Variants in PIGF observed in about 807,000 individuals in gnomAD.
The protein encoded by PIGF is GPI ethanolamine phosphate transferase, stabilizing subunit.
PIGF carries 23 observed loss-of-function variants against 26.0 expected under a neutral mutation model. That is an observed-to-expected ratio of 0.88 (90% CI 0.64 to 1.25). The LOEUF is 1.25. PIGF is among the 50% of genes most tolerant of loss of function. PIGF has a pLI of 0.00. For synonymous variants in PIGF, 93 were observed against 92.6 expected (o/e 1.00, Z -0.03); for missense variants, 278 against 249.9 (o/e 1.11, Z -0.76).
At chr2:46,609,717 G>T (rs1366021132) in intron 4 of PIGF, among the ~76,000 whole-genome samples, 1 of 152,108 alleles carries the variant, frequency 6.6e-6, no homozygotes. Flanking sequence ...GTGGGGAAGG[G>T]AGAGAGACAG....
chr2:46,595,567 C>T (rs1669856993), intron 4 of PIGF, among the ~76,000 whole-genome samples: 1 of 152,156 alleles, frequency 6.6e-6, no homozygotes, highest in Non-Finnish European at 1.5e-5. Context: ...AACATTTATG[C>T]ACAAGTTTCT....
rs376134991 is a variant in PIGF at position 46,592,573 on chromosome 2, T to C, written c.448A>G (p.Ile150Val). ...RVFSRNGVTS[I>V]WENSLQITTI... The stretch of plus-strand genomic sequence containing the variant: ...GTGATCTGGAGACTATTCTCCCATA[T>C]GGATGTAACTCTGTGAAACACAAAT... Residue 150 changes from isoleucine (I) to valine (V), a missense_variant, in exon 5 of 6, where the codon ATA becomes GTA. Transcript: ENST00000281382. 5.7e-6 allele frequency: 9 copies of C among 1,574,672 alleles called. No individual in the cohort carries two copies. The African/African-American group carries it at 8.1e-5, about 14-fold the overall frequency.
chr2:46,606,892 T>C (rs1670239592), intron 4 of PIGF, among the ~76,000 whole-genome samples: 1 of 152,336 alleles, frequency 6.6e-6, no homozygotes, highest in East Asian at 1.9e-4. Flanking sequence ...AAATTTGATA[T>C]ATATCCATAC....
In PIGF at chr2:46,613,683, TTCAAACTTACTC is replaced by T. The variant is rs763507507; in HGVS notation, c.319_320+10del. On this transcript the variant is annotated splice_donor_variant and splice_donor_5th_base_variant and coding_sequence_variant and intron_variant, in exon 3 of 6. Transcript: ENST00000281382. LOFTEE classifies it high-confidence loss of function. Reference sequence around the variant, plus strand: ...TAAAATATAAATTTAGGGTAAAAATTTCAAACTTACTCTATCAGTGGTGCTCCATACAGAACA... The same window carrying T: ...TAAAATATAAATTTAGGGTAAAAATTTATCAGTGGTGCTCCATACAGAACA... The T allele has an allele frequency of 2.0e-6, 3 of 1,501,212 alleles. No individual in the cohort carries two copies. In the South Asian group the frequency reaches 3.8e-5, roughly 19 times the overall value. The allele number at this position is 1,501,212 out of a possible 1,614,324, so 93.0% of individuals were successfully genotyped here.
At position 46,588,005 on chromosome 2, in the gene PIGF, TAAGC is replaced by T. The variant is rs1641267106; in HGVS notation, c.546+4466_546+4469del. 1 of 1,337,334 alleles carries T rather than the reference TAAGC, an allele frequency of 7.5e-7. No individual in the cohort carries two copies. The highest frequency in any genetic ancestry group is 1.5e-5 in the African/African-American group (1 of 65,924). 82.8% of individuals were successfully genotyped at this position (1,337,334 alleles called of 1,614,324 possible). On this transcript the variant is annotated intron_variant, in intron 5 of 5. Transcript: ENST00000281382. The surrounding 1 kb of genome is among the most constrained non-coding windows in gnomAD (Gnocchi z 4.1). ...CTCCCTCTTCCCACCTGAGTAATGC[TAAGC>T]AAGATGTGTACTCCTCCCCTCTCAC...
At chr2:46,590,944 A>G (rs1253912898) in intron 5 of PIGF, among the ~76,000 whole-genome samples, 2 of 152,230 alleles carry the variant, frequency 1.3e-5, no homozygotes, top group Non-Finnish European at 2.9e-5. Flanking sequence ...AAGCACAAAG[A>G]ATAGAGCTAA....
chr2:46,610,701 T>C (rs761100427), intron 4 of PIGF, among the ~76,000 whole-genome samples: 1 of 152,050 alleles, frequency 6.6e-6, no homozygotes, highest in Non-Finnish European at 1.5e-5. Context: ...AGCTAATTTT[T>C]GTATTTTTAG....
At chr2:46,612,370 TA>T in intron 3 of PIGF, 26 bp from the exon 4 acceptor site, 2 of 871,126 alleles carry the variant, frequency 2.3e-6, no homozygotes, top group Middle Eastern at 2.3e-4. Context: ...GATTACTTTT[TA>T]AAAAAGTGTT....
chr2:46,607,634 G>A (rs1670265881), intron 4 of PIGF, among the ~76,000 whole-genome samples: 1 of 152,018 alleles, frequency 6.6e-6, no homozygotes, highest in Admixed American at 6.6e-5. Flanking sequence ...TGGAAGATGT[G>A]GCCTTGATGT....
At chr2:46,599,807 C>T (rs528843685) in intron 4 of PIGF, among the ~76,000 whole-genome samples, 1 of 152,232 alleles carries the variant, frequency 6.6e-6, no homozygotes, top group South Asian at 2.1e-4. Flanking sequence ...TCATCTTCTG[C>T]ACACCCCTTT....
chr2:46,591,492 T>C, intron 5 of PIGF: 6 of 827,432 alleles, frequency 7.3e-6, no homozygotes, highest in Non-Finnish European at 8.7e-6. Flanking sequence ...AGAAAGCACA[T>C]TTATTTTTTA....
chr2:46,581,388 G>C lies in PIGF; in HGVS notation c.*90C>G. 1 of 1,524,598 alleles carries C rather than the reference G, an allele frequency of 6.6e-7. No homozygotes were observed. Among genetic ancestry groups the C allele is most frequent in the Non-Finnish European group, 8.8e-7 (1 of 1,132,432 alleles). 94.4% of individuals were successfully genotyped at this position (1,524,598 alleles called of 1,614,324 possible). A position where few individuals can be genotyped will look rare whatever the true frequency, so the allele number is the denominator to read the frequency against. ...ATGTTGTAACTACGTAAAAAACAGA[G>C]CTGTAAATGGAACTGCTTGGCTTTG... is the stretch of plus-strand genomic sequence containing the variant. On this transcript the variant is annotated 3_prime_UTR_variant, in exon 6 of 6. Transcript: ENST00000281382.
At chr2:46,593,874 T>C (rs1669798847) in intron 4 of PIGF, among the ~76,000 whole-genome samples, 1 of 152,154 alleles carries the variant, frequency 6.6e-6, no homozygotes. Flanking sequence ...ATTTTAAAAG[T>C]CCCAAATGAT....
rs763985008 is a variant in PIGF at position 46,612,275 on chromosome 2, C to T, written c.390G>A (p.Leu130=). ...STFTTVPCLC[L]LGPNLKAWLR... ...GCCATGCTTTGAGGTTTGGTCCTAA[C>T]AAACATAAGCAAGGCACAGTAGTAA... The change falls in exon 4 of 6, where the codon TTG becomes TTA. Residue 130 remains leucine (L), a synonymous_variant. Transcript: ENST00000281382. The T allele has an allele frequency of 6.8e-7, 1 of 1,475,348 alleles. No individual in the cohort carries two copies. Among genetic ancestry groups the T allele is most frequent in the East Asian group, 2.6e-5 (1 of 38,118 alleles). The allele number at this position is 1,475,348 out of a possible 1,614,324, so 91.4% of individuals were successfully genotyped here.
intron 5 of PIGF, among the ~76,000 whole-genome samples, chr2:46,590,459 A>G (rs1039465768): frequency 6.6e-6 from 1 of 152,150 alleles, no homozygotes; most frequent in African/African-American, 2.4e-5. Context: ...ACTGTCTTGT[A>G]AACAGAAAAG....
At chr2:46,615,255 C>G (rs1670576171) in intron 1 of PIGF, 70 bp from the exon 2 acceptor site, 1 of 692,300 alleles carries the variant, frequency 1.4e-6, no homozygotes, top group Non-Finnish European at 2.6e-6. Context: ...TGTTTTGACC[C>G]CTAAAAATAG....
intron 5 of PIGF, 173 bp from the exon 6 acceptor site, chr2:46,581,764 A>C: frequency 1.1e-6 from 1 of 910,588 alleles, no homozygotes; most frequent in Non-Finnish European, 1.6e-6. Context: ...TACACATTTT[A>C]GTTAATGTGC....
intron 4 of PIGF, among the ~76,000 whole-genome samples, chr2:46,606,806 G>A (rs2104122469): frequency 6.6e-6 from 1 of 152,262 alleles, no homozygotes; most frequent in Non-Finnish European, 1.5e-5. Context: ...AATGTTTGAT[G>A]CAGCTTATTC....
rs561884991 is a variant in PIGF at position 46,617,035 on chromosome 2, G to C, written c.-87C>G. The C allele has an allele frequency of 8.5e-6, 5 of 588,298 alleles. No individual in the cohort carries two copies. The highest frequency in any genetic ancestry group is 1.5e-5 in the Non-Finnish European group (5 of 331,344). 36.4% of individuals were successfully genotyped at this position (588,298 alleles called of 1,614,324 possible). A position where few individuals can be genotyped will look rare whatever the true frequency, so the allele number is the denominator to read the frequency against. Reference sequence around the variant, plus strand: ...CCTCCTACCATCAGGTACGACGGGCGGCCCAGGCCCACGCGCAGGCGCAGG... The same window carrying C: ...CCTCCTACCATCAGGTACGACGGGCCGCCCAGGCCCACGCGCAGGCGCAGG... On this transcript the variant is annotated 5_prime_UTR_variant, in exon 1 of 6. Coordinates refer to ENST00000281382, the MANE Select transcript of PIGF (RefSeq NM_002643.4).
Sources: gnomAD v4.1 joint callset for allele counts (sites outside exome capture counted in the v4.1 genomes callset) on GRCh38, gnomAD v4.1.1 for gene constraint, Gnocchi (gnomAD v3.1) non-coding constraint, MANE v1.5 for transcripts, NCBI Gene and HGNC (gene_info 2026-07-23, HGNC 2026-07-21) for gene names.